The following ADAMTSL1 variants were observed in gnomAD, a reference collection of about 807,000 sequenced individuals.
ADAMTSL1 encodes the protein ADAMTS-like protein 1.
ADAMTSL1 carries 126 observed loss-of-function variants against 201.8 expected under a neutral mutation model. That is an observed-to-expected ratio of 0.62 (90% confidence interval 0.54 to 0.72). The LOEUF (loss-of-function observed/expected upper bound fraction) is 0.72. Ranked by LOEUF, ADAMTSL1 falls within the 30% of genes least tolerant of loss-of-function variation. The pLI is 0.00. For missense variants in ADAMTSL1, 2,679 were observed against 2,277.8 expected (o/e 1.18, Z -3.59); for synonymous variants, 1,121 against 903.4 (o/e 1.24, Z -4.32).
At chr9:18,858,454 A>G (rs552971762) in intron 23 of ADAMTSL1, among the ~76,000 whole-genome samples, 67 of 152,314 alleles carry the variant, frequency 4.4e-4, no homozygotes, top group African/African-American at 1.5e-3. Flanking sequence ...ATTGATGAAC[A>G]TTGTCTTCTT....
In ADAMTSL1 at chr9:18,898,287, G is replaced by A. The variant is rs377439077; in HGVS notation, c.4851+5691G>A. On this transcript the variant is annotated intron_variant, in intron 26 of 28. Transcript: ENST00000380548. ...AGAATCACAATAAAACAGTAGAGGA[G>A]CTGGTAACCAGAATAGCCAGTTTAG... Among the ~76,000 whole-genome samples, 45 of 152,336 alleles carry A rather than the reference G, an allele frequency of 3.0e-4. 1 individual carries two copies. The South Asian group carries it at 9.3e-3, about 32-fold the overall frequency.
intron 4 of ADAMTSL1, among the ~76,000 whole-genome samples, chr9:18,584,376 A>G (rs1363070065): frequency 6.7e-6 from 1 of 148,646 alleles, no homozygotes; most frequent in African/African-American, 2.5e-5. Flanking sequence ...GGCCCCCCCC[A>G]GCCACATGGA....
chr9:18,581,590 T>C (rs1823095291), intron 4 of ADAMTSL1, among the ~76,000 whole-genome samples: 1 of 152,192 alleles, frequency 6.6e-6, no homozygotes, highest in Non-Finnish European at 1.5e-5. Context: ...TGGGTGAGAC[T>C]TGGATATAGT....
intron 1 of ADAMTSL1, among the ~76,000 whole-genome samples, chr9:17,981,169 G>T (rs1043912820): frequency 6.6e-6 from 1 of 152,176 alleles, no homozygotes; most frequent in African/African-American, 2.4e-5. Context: ...ACAATGGGAA[G>T]GTGGCCCTCT....
At chr9:18,897,851 G>C (rs890224642) in intron 26 of ADAMTSL1, among the ~76,000 whole-genome samples, 2 of 152,292 alleles carry the variant, frequency 1.3e-5, no homozygotes, top group Non-Finnish European at 2.9e-5. Context: ...GGCTGAGGCT[G>C]AGATGGTTGA....
intron 2 of ADAMTSL1, among the ~76,000 whole-genome samples, chr9:18,325,826 C>T (rs987339548): frequency 3.9e-5 from 6 of 152,034 alleles, no homozygotes; most frequent in East Asian, 1.9e-4. Context: ...CTGCAACCTC[C>T]GCCCCCAGGA....
At chr9:18,606,356 G>C (rs1023676588) in intron 4 of ADAMTSL1, among the ~76,000 whole-genome samples, 1 of 152,170 alleles carries the variant, frequency 6.6e-6, no homozygotes. Flanking sequence ...TGTTTTTTGA[G>C]TGCCTTTAGC....
At position 18,467,483 on chromosome 9, in the gene ADAMTSL1, CT is replaced by C. The variant is rs555060266; in HGVS notation, c.208-37340del. ...ATTAAAAATAAAACAATGGGAAAGA[CT>C]TTTTTCCAATAAAAGGAGGGCTCAT... On this transcript the variant is annotated intron_variant, in intron 2 of 29. Coordinates refer to the ADAMTSL1 transcript ENST00000680146. Among the ~76,000 whole-genome samples the C allele has an allele frequency of 1.4e-4, 22 of 152,134 alleles. No homozygotes were observed. In the East Asian group the frequency reaches 4.2e-3, roughly 29 times the overall value.
At chr9:18,518,475 A>T (rs1348301806) in intron 2 of ADAMTSL1, among the ~76,000 whole-genome samples, 1 of 152,222 alleles carries the variant, frequency 6.6e-6, no homozygotes, top group Admixed American at 6.5e-5. Flanking sequence ...CGTAAAGGAC[A>T]TGATTTCATT....
chr9:18,040,686 G>A (rs1393500670), intron 1 of ADAMTSL1, among the ~76,000 whole-genome samples: 1 of 152,056 alleles, frequency 6.6e-6, no homozygotes, highest in Non-Finnish European at 1.5e-5. Flanking sequence ...TTCAGTTACT[G>A]GAGAAAGCTT....
At chr9:18,830,749 C>G (rs1824926548) in intron 23 of ADAMTSL1, among the ~76,000 whole-genome samples, 1 of 152,078 alleles carries the variant, frequency 6.6e-6, no homozygotes, top group Non-Finnish European at 1.5e-5. Flanking sequence ...GGGAAATAGG[C>G]CTATACATGT....
intron 2 of ADAMTSL1, among the ~76,000 whole-genome samples, chr9:18,377,969 G>C (rs559900267): frequency 6.6e-6 from 1 of 152,264 alleles, no homozygotes; most frequent in South Asian, 2.1e-4. Flanking sequence ...TGGGCAATGT[G>C]TTTCTCAGCA....
chr9:18,575,803 C>A (rs550865294), intron 4 of ADAMTSL1, among the ~76,000 whole-genome samples: 1 of 152,120 alleles, frequency 6.6e-6, no homozygotes, highest in Non-Finnish European at 1.5e-5. Context: ...GACTAAATTC[C>A]ACATCTCCTG....
intron 1 of ADAMTSL1, among the ~76,000 whole-genome samples, chr9:18,159,803 C>T (rs116432222): frequency 0.019 from 2,922 of 152,058 alleles, 28 homozygotes; most frequent in Non-Finnish European, 0.022. Flanking sequence ...AGGTTATGAA[C>T]GAAGTGAGTG....
chr9:18,878,122 G>C (rs1828284476), intron 23 of ADAMTSL1, among the ~76,000 whole-genome samples: 1 of 152,144 alleles, frequency 6.6e-6, no homozygotes, highest in Non-Finnish European at 1.5e-5. Context: ...CTCCCACCAT[G>C]CCCCACCAAT....
intron 2 of ADAMTSL1, among the ~76,000 whole-genome samples, chr9:18,458,082 T>C (rs950972581): frequency 6.6e-6 from 1 of 152,238 alleles, no homozygotes; most frequent in Non-Finnish European, 1.5e-5. Flanking sequence ...TTTCCATTCA[T>C]ACCCTACTCC....
chr9:18,832,924 G>T lies in ADAMTSL1; in HGVS notation c.4249+2947G>T, dbSNP rs144488824. 5.6e-3 allele frequency among the ~76,000 whole-genome samples: 846 copies of T among 152,300 alleles called. 10 individuals are homozygous for T. The highest frequency in any genetic ancestry group is 0.019 in the African/African-American group (790 of 41,566). On this transcript the variant is annotated intron_variant, in intron 23 of 28. Transcript: ENST00000380548. ...TTTTCATGTTTCCCAGCAGTAAGGG[G>T]GGAAAGGAGAGTTGGAGTTTTTTAA...
chr9:18,856,460 A>ATTTTTTTTTTT (rs398010404), intron 23 of ADAMTSL1, among the ~76,000 whole-genome samples: 3 of 111,988 alleles, frequency 2.7e-5, no homozygotes, highest in Admixed American at 1.1e-4. Context: ...GATAAGAAGG[A>ATTTTTTTTTTT]TTTTTTTTTT....
chr9:17,962,545 A>G (rs1028975000), intron 1 of ADAMTSL1, among the ~76,000 whole-genome samples: 2 of 152,138 alleles, frequency 1.3e-5, no homozygotes, highest in Non-Finnish European at 1.5e-5. Context: ...TCTCATTGAG[A>G]ATGTTATCTG....
Sources: gnomAD v4.1 joint callset for allele counts (sites outside exome capture counted in the v4.1 genomes callset) on GRCh38, gnomAD v4.1.1 for gene constraint, MANE v1.5 for transcripts, NCBI Gene and HGNC (gene_info 2026-07-23, HGNC 2026-07-21) for gene names.